The following DDX4 variants were observed in gnomAD, a reference collection of about 807,000 sequenced individuals.
The protein encoded by DDX4 is DEAD-box helicase 4, also known as probable ATP-dependent RNA helicase DDX4.
Under a neutral mutation model 100.0 loss-of-function variants are expected in DDX4, and 25 were observed. That is an observed-to-expected ratio of 0.25 (90% CI 0.18 to 0.35). The LOEUF (loss-of-function observed/expected upper bound fraction) is 0.35, where lower values mean the gene tolerates loss of function less well. Ranked by LOEUF, DDX4 falls within the 10% of genes least tolerant of loss-of-function variation. DDX4 has a pLI of 1.00. For synonymous variants in DDX4, 259 were observed against 275.7 expected (o/e 0.94, Z 0.60); for missense variants, 635 against 882.4 (o/e 0.72, Z 3.55).
intron 7 of DDX4, among the ~76,000 whole-genome samples, chr5:55,777,072 A>G (rs546162436): frequency 2.0e-5 from 3 of 152,218 alleles, no homozygotes; most frequent in East Asian, 1.9e-4. Context: ...AGGAAATCCA[A>G]TAGAAGGACA....
chr5:55,816,465 C>G lies in DDX4; in HGVS notation c.2100C>G (p.Gly700=). 1 of 1,603,196 alleles carries G rather than the reference C, an allele frequency of 6.2e-7. No homozygotes were observed. Residue 700 remains glycine, a splice_region_variant and synonymous_variant, in exon 22 of 22, where the codon GGC becomes GGG. Coordinates refer to ENST00000505374, the MANE Select transcript of DDX4 (RefSeq NM_024415.3). ...TTTTTTTTTTAAATAATTACCAGGG[C>G]AAGAGCACTTTGAACACAGCTGGGT... The part of the protein sequence containing the change: ...NVFASVDTRK[G]KSTLNTAGFS...
chr5:55,816,344 G>A, intron 21 of DDX4, 119 bp from the exon 22 acceptor site: 2 of 1,389,706 alleles, frequency 1.4e-6, no homozygotes, highest in Non-Finnish European at 1.9e-6. Context: ...TTGATTATTT[G>A]GGGAAGACAT....
chr5:55,761,620 C>CT (rs1165694278), intron 4 of DDX4, among the ~76,000 whole-genome samples: 1 of 143,824 alleles, frequency 7.0e-6, no homozygotes, highest in African/African-American at 2.6e-5. Flanking sequence ...TTTTCTTTTT[C>CT]TTTTTTGAGA....
intron 6 of DDX4, among the ~76,000 whole-genome samples, chr5:55,765,413 A>AATATATATATAT (rs397997793): frequency 8.0e-4 from 66 of 82,980 alleles, no homozygotes; most frequent in Admixed American, 1.7e-3. Flanking sequence ...AAAAAAAAAA[A>AATATATATATAT]ATATATATAT....
In DDX4 at chr5:55,798,580, C is replaced by T. The variant is rs3761777; in HGVS notation, c.1615+9C>T. Reference sequence around the variant, plus strand: ...AATTCTGCGAAACATAGGTATCTTACGTTGATACATTTTTTTGTCATGATT... The same window carrying T: ...AATTCTGCGAAACATAGGTATCTTATGTTGATACATTTTTTTGTCATGATT... On this transcript the variant is annotated intron_variant, in intron 18 of 21. Transcript: ENST00000505374. 627 of 1,564,592 alleles carry T rather than the reference C, an allele frequency of 4.0e-4. 4 individuals are homozygous for T. The African/African-American group carries it at 6.3e-3, about 16-fold the overall frequency.
intron 7 of DDX4, among the ~76,000 whole-genome samples, chr5:55,778,773 A>G (rs1394319041): frequency 6.6e-6 from 1 of 152,096 alleles, no homozygotes; most frequent in East Asian, 1.9e-4. Context: ...TCATGCCTGT[A>G]ATCTCAGCTA....
intron 9 of DDX4, among the ~76,000 whole-genome samples, chr5:55,781,498 C>T (rs754269311): frequency 2.2e-4 from 33 of 151,990 alleles, no homozygotes; most frequent in Non-Finnish European, 4.1e-4. Context: ...ACCTAGAGGC[C>T]GGGCGTGGTG....
At chr5:55,769,819 C>T (rs1741146030) in intron 7 of DDX4, among the ~76,000 whole-genome samples, 1 of 151,890 alleles carries the variant, frequency 6.6e-6, no homozygotes, top group Admixed American at 6.6e-5. Context: ...AAACCAGATA[C>T]CTAGACCAGT....
chr5:55,795,208 G>C (rs1010508011), intron 17 of DDX4, among the ~76,000 whole-genome samples: 1 of 152,116 alleles, frequency 6.6e-6, no homozygotes, highest in South Asian at 2.1e-4. Flanking sequence ...CAGCTGATCC[G>C]TCCGCCTCAG....
intron 8 of DDX4, 69 bp downstream of exon 8, chr5:55,780,134 T>A: frequency 6.4e-7 from 1 of 1,568,036 alleles, no homozygotes; most frequent in Non-Finnish European, 8.6e-7. Context: ...AAAAAATACG[T>A]ATCAAAGAAG....
At chr5:55,793,038 G>GTGTGTT (rs1226333796) in intron 17 of DDX4, among the ~76,000 whole-genome samples, 1 of 147,610 alleles carries the variant, frequency 6.8e-6, no homozygotes, top group Admixed American at 7.4e-5. Flanking sequence ...GTGTGTGTGT[G>GTGTGTT]TGTGTGTGTG....
At chr5:55,766,908 T>G (rs1336447607) in intron 6 of DDX4, 10 of 1,516,386 alleles carry the variant, frequency 6.6e-6, no homozygotes, top group Non-Finnish European at 7.9e-6. Flanking sequence ...AATCATTCCT[T>G]TCAGAATAAA....
chr5:55,807,400 G>T (rs1321111422), intron 18 of DDX4, among the ~76,000 whole-genome samples: 2 of 152,172 alleles, frequency 1.3e-5, no homozygotes, highest in African/African-American at 2.4e-5. Context: ...GTTAGTTGAT[G>T]CAGTTTCTTC....
At chr5:55,796,934 C>T (rs1236580831) in intron 17 of DDX4, among the ~76,000 whole-genome samples, 2 of 145,226 alleles carry the variant, frequency 1.4e-5, no homozygotes, top group Non-Finnish European at 3.0e-5. Flanking sequence ...CTTGACCTCC[C>T]TGGCTGAAGC....
intron 21 of DDX4, 69 bp downstream of exon 21, chr5:55,815,492 T>C: frequency 1.3e-6 from 2 of 1,533,244 alleles, no homozygotes; most frequent in South Asian, 1.3e-5. Flanking sequence ...CTTAATATTG[T>C]GAAGTAACTA....
intron 7 of DDX4, among the ~76,000 whole-genome samples, chr5:55,778,582 A>G (rs777811271): frequency 6.6e-6 from 1 of 152,200 alleles, no homozygotes; most frequent in Non-Finnish European, 1.5e-5. Flanking sequence ...TCATATGTCA[A>G]CAAAGTTGAA....
At chr5:55,775,011 A>T (rs1339674436) in intron 7 of DDX4, among the ~76,000 whole-genome samples, 2 of 152,198 alleles carry the variant, frequency 1.3e-5, no homozygotes, top group African/African-American at 2.4e-5. Context: ...CCGTTAGACA[A>T]CAATTCCCTG....
chr5:55,815,542 G>T, intron 21 of DDX4, 119 bp downstream of exon 21: 1 of 1,306,286 alleles, frequency 7.7e-7, no homozygotes, highest in Non-Finnish European at 9.9e-7. Flanking sequence ...GTGCCTGGAA[G>T]GTAGCTACTT....
At chr5:55,804,996 C>T (rs999674609) in intron 18 of DDX4, among the ~76,000 whole-genome samples, 3 of 151,644 alleles carry the variant, frequency 2.0e-5, no homozygotes, top group Admixed American at 6.6e-5. Context: ...TCTTTTATTT[C>T]GTTGAGCAGT....
Sources: allele counts gnomAD v4.1 joint callset (sites outside exome capture counted in the v4.1 genomes callset), GRCh38; gene constraint gnomAD v4.1.1; transcripts MANE v1.5; gene names NCBI Gene and HGNC (gene_info 2026-07-23, HGNC 2026-07-21).